DARS1: variants seen among roughly 807,000 people sequenced by gnomAD.
DARS1 encodes the protein aspartyl-tRNA synthetase 1, also known as aspartate--tRNA ligase, cytoplasmic.
In DARS1, 51 loss-of-function variants were observed where a neutral mutation model predicts 68.8. The observed-to-expected ratio is 0.74, with a 90% CI of 0.59 to 0.94. The LOEUF (loss-of-function observed/expected upper bound fraction) is 0.94, where lower values mean the gene tolerates loss of function less well. DARS1 is among the 40% of genes least tolerant of loss of function. DARS1 has a pLI of 0.00. For synonymous variants in DARS1, 203 were observed against 190.4 expected, an observed-to-expected ratio of 1.07 and a Z score of -0.55; for missense variants, 607 against 597.3, an observed-to-expected ratio of 1.02 and a Z score of -0.17.
Position 135,945,841 on chromosome 2 carries a change from G to A in DARS1, c.321-2361C>T, listed in dbSNP as rs376407463. On this transcript the variant is annotated intron_variant, in intron 4 of 15. Transcript: ENST00000264161. ...ACGGGAAAGAAGGCAGGATTAATCA[G>A]ACATAGAGAACAGTTAATTTTTTTT... 2.2e-4 allele frequency among the ~76,000 whole-genome samples: 34 copies of A among 152,314 alleles called. No individual in the cohort carries two copies. In the East Asian group the frequency reaches 6.4e-3, roughly 29 times the overall value.
At chr2:135,970,047 A>G (rs546162724) in intron 3 of DARS1, among the ~76,000 whole-genome samples, 1 of 152,276 alleles carries the variant, frequency 6.6e-6, no homozygotes, top group East Asian at 1.9e-4. Flanking sequence ...TCCGAACTTT[A>G]GAAACATTTG....
Position 135,911,121 on chromosome 2 carries a change from G to A in DARS1, c.1414+18C>T, listed in dbSNP as rs115253602. 2.4e-3 allele frequency: 2,710 copies of A among 1,108,042 alleles called. 36 individuals are homozygous for A. In the African/African-American group the frequency reaches 0.027, roughly 11 times the overall value. The allele number at this position is 1,108,042 out of a possible 1,614,324, so 68.6% of individuals were successfully genotyped here. A position where few individuals can be genotyped will look rare whatever the true frequency, so the allele number is the denominator to read the frequency against. On this transcript the variant is annotated intron_variant, in intron 15 of 15. Transcript: ENST00000264161. ...TTAGAACTTATGAACTTATTTGTAA[G>A]CAATAACAGAATATTACCAATGCCT...
rs759132482 is a variant in DARS1 at position 135,979,338 on chromosome 2, C to T, written c.153G>A (p.Leu51=). The T allele has an allele frequency of 1.3e-6, 2 of 1,490,406 alleles. No homozygotes were observed. Among genetic ancestry groups the T allele is most frequent in the Admixed American group, 1.7e-5 (1 of 59,868 alleles). 92.3% of individuals were successfully genotyped at this position (1,490,406 alleles called of 1,614,324 possible). Residue 51 remains leucine, a synonymous_variant, in exon 3 of 16, where the codon TTG becomes TTA. Coordinates refer to ENST00000264161, the MANE Select transcript of DARS1 (RefSeq NM_001349.4). The part of the protein sequence containing the change: ...PDRVLVRVRD[L]TIQKADEVVW... ...CAACTTCATCAGCTTTTTGTATTGT[C>T]AAGTCTCTAACCCGAACCAAAACTC...
chr2:135,985,251 G>C, intron 1 of DARS1, 152 bp downstream of exon 1: 1 of 1,310,324 alleles, frequency 7.6e-7, no homozygotes, highest in Non-Finnish European at 1.0e-6. Flanking sequence ...CCACTGCTGG[G>C]GCAAGGGCTC....
chr2:135,932,894 A>G, intron 6 of DARS1, 52 bp from the exon 7 acceptor site: 3 of 856,696 alleles, frequency 3.5e-6, no homozygotes, highest in Non-Finnish European at 5.6e-6. Context: ...AATATTTTGA[A>G]GAGCACAAAA....
chr2:135,962,216 G>C (rs1458220672), intron 3 of DARS1, among the ~76,000 whole-genome samples: 1 of 151,658 alleles, frequency 6.6e-6, no homozygotes, highest in Non-Finnish European at 1.5e-5. Flanking sequence ...CTTCTTCTTT[G>C]ATAAAGAACT....
intron 10 of DARS1, among the ~76,000 whole-genome samples, chr2:135,917,090 G>C (rs1284821993): frequency 6.6e-6 from 1 of 152,072 alleles, no homozygotes; most frequent in African/African-American, 2.4e-5. Context: ...GGGCCTGAGA[G>C]GTGAAGGCTG....
At chr2:135,923,301 T>C (rs1047565191) in intron 8 of DARS1, among the ~76,000 whole-genome samples, 3 of 152,150 alleles carry the variant, frequency 2.0e-5, no homozygotes, top group African/African-American at 7.2e-5. Flanking sequence ...TCTTCTTTTC[T>C]TTTTTTGAGA....
chr2:135,966,165 T>C (rs921857775), intron 3 of DARS1, among the ~76,000 whole-genome samples: 7 of 151,384 alleles, frequency 4.6e-5, no homozygotes, highest in Middle Eastern at 3.4e-3. Context: ...TGTCTGTAAA[T>C]GTATTTTTTT....
At chr2:135,957,306 C>T (rs1681998566) in intron 4 of DARS1, among the ~76,000 whole-genome samples, 1 of 151,914 alleles carries the variant, frequency 6.6e-6, no homozygotes, top group Non-Finnish European at 1.5e-5. Flanking sequence ...TGGCTCACTG[C>T]AACCTTCGCC....
chr2:135,924,667 T>C (rs1681176928), intron 7 of DARS1, among the ~76,000 whole-genome samples, 169 bp from the exon 8 acceptor site: 1 of 152,238 alleles, frequency 6.6e-6, no homozygotes, highest in South Asian at 2.1e-4. Flanking sequence ...CAAAAAGGCA[T>C]GCTGGAATAC....
intron 3 of DARS1, among the ~76,000 whole-genome samples, chr2:135,964,778 T>C (rs555850457): frequency 7.7e-4 from 108 of 140,262 alleles, no homozygotes; most frequent in Admixed American, 3.1e-3. Flanking sequence ...CAGGCGGAGG[T>C]TGCAATGAGC....
intron 8 of DARS1, 115 bp downstream of exon 8, chr2:135,924,272 C>A: frequency 1.7e-6 from 2 of 1,171,784 alleles, no homozygotes; most frequent in South Asian, 1.9e-5. Context: ...AGTCTCATGG[C>A]AATAAACCTT....
At chr2:135,934,779 CAT>C (rs1681429100) in intron 5 of DARS1, among the ~76,000 whole-genome samples, 1 of 151,476 alleles carries the variant, frequency 6.6e-6, no homozygotes, top group Admixed American at 6.6e-5. Context: ...GAGCAATTAA[CAT>C]ATGACTTGCT....
rs146603573 is a variant in DARS1 at position 135,964,371 on chromosome 2, A to G, written c.218-2873T>C. 1.5e-3 allele frequency among the ~76,000 whole-genome samples: 221 copies of G among 152,296 alleles called. 1 individual carries two copies. The highest frequency in any genetic ancestry group is 5.0e-3 in the African/African-American group (208 of 41,552). The stretch of plus-strand genomic sequence containing the variant: ...TAAAAATTTTTTAAGAGAACTATAC[A>G]CTCACAGGTAGGTACAGAAGAAAGG... On this transcript the variant is annotated intron_variant, in intron 3 of 15. Coordinates refer to ENST00000264161, the MANE Select transcript of DARS1 (RefSeq NM_001349.4).
In DARS1 at chr2:135,933,933, G is replaced by T; in HGVS notation, c.481C>A (p.Arg161=). ...RLPLQLDDAV[R]PEAEGEEEGR... The stretch of plus-strand genomic sequence containing the variant: ...ACCTCTTCTCCTTCTGCCTCAGGCC[G>T]AACAGCATCATCCAGCTGCAGGGGC... The change falls in exon 6 of 16, where the codon CGG becomes AGG. Residue 161 remains arginine (R), a synonymous_variant. Coordinates refer to ENST00000264161, the MANE Select transcript of DARS1 (RefSeq NM_001349.4). 5 of 1,613,398 alleles carry T rather than the reference G, an allele frequency of 3.1e-6. No homozygotes were observed. Among genetic ancestry groups the T allele is most frequent in the Non-Finnish European group, 4.2e-6 (5 of 1,179,534 alleles).
chr2:135,944,606 C>T (rs978191654), intron 4 of DARS1, among the ~76,000 whole-genome samples: 11 of 152,070 alleles, frequency 7.2e-5, no homozygotes, highest in Non-Finnish European at 1.3e-4. Context: ...ATGCATATCT[C>T]TTGTACTCTC....
In DARS1 at chr2:135,985,560, C is replaced by T. The variant is rs941526009; in HGVS notation, c.-92G>A. The T allele has an allele frequency of 1.3e-6, 2 of 1,594,986 alleles. No individual in the cohort carries two copies. The highest frequency in any genetic ancestry group is 1.7e-6 in the Non-Finnish European group (2 of 1,171,050). ...GCTTCTCCCTCCCTCCCAGTCTCCGCCCTCCCGACCCTGGGGTCTCAGCAC... is the reference window on the plus strand; with the variant it reads ...GCTTCTCCCTCCCTCCCAGTCTCCGTCCTCCCGACCCTGGGGTCTCAGCAC... On this transcript the variant is annotated 5_prime_UTR_variant, in exon 1 of 16. Coordinates refer to ENST00000264161, the MANE Select transcript of DARS1 (RefSeq NM_001349.4).
chr2:135,943,976 T>C (rs1044812577), intron 4 of DARS1, among the ~76,000 whole-genome samples: 1 of 152,168 alleles, frequency 6.6e-6, no homozygotes, highest in Non-Finnish European at 1.5e-5. Flanking sequence ...CCTCACTACC[T>C]TTAGCTTCTG....
Sources: allele counts gnomAD v4.1 joint callset (sites outside exome capture counted in the v4.1 genomes callset), GRCh38; gene constraint gnomAD v4.1.1; transcripts MANE v1.5; gene names NCBI Gene and HGNC (gene_info 2026-07-23, HGNC 2026-07-21).